The following GDPD1 variants were observed in gnomAD, a reference collection of about 807,000 sequenced individuals.
GDPD1 encodes lysophospholipase D GDPD1.
A neutral mutation model predicts 45.1 loss-of-function variants in GDPD1; 28 were observed. That is an observed-to-expected ratio of 0.62 (90% confidence interval 0.46 to 0.85). The LOEUF is 0.85. Ranked by LOEUF, GDPD1 falls within the 40% of genes least tolerant of loss-of-function variation. GDPD1 has a pLI of 0.00. For synonymous variants in GDPD1, 139 were observed against 131.4 expected (o/e 1.06, Z -0.40); for missense variants, 256 against 364.8 (o/e 0.70, Z 2.43).
At position 59,275,297 on chromosome 17, in the gene GDPD1, G is replaced by C; in HGVS notation, c.*1524G>C. ...GTTATACATAATCAGCAGCAGCCAG[G>C]CTCAAGAAAATAAAAGTTGATTAGT... On this transcript the variant is annotated 3_prime_UTR_variant, in exon 10 of 10. Coordinates refer to ENST00000284116, the MANE Select transcript of GDPD1 (RefSeq NM_182569.4). The C allele has an allele frequency of 5.3e-6, 5 of 941,432 alleles. No homozygotes were observed. The highest frequency in any genetic ancestry group is 8.0e-6 in the Non-Finnish European group (5 of 628,012). The allele number at this position is 941,432 out of a possible 1,614,324, so 58.3% of individuals were successfully genotyped here.
intron 1 of GDPD1, among the ~76,000 whole-genome samples, chr17:59,230,370 ATTTTTTTTT>A (rs942416287): frequency 1.2e-5 from 1 of 80,078 alleles, no homozygotes; most frequent in African/African-American, 6.7e-5. Context: ...CAGTTGTAGA[ATTTTTTTTT>A]TTTTTTTTTT....
intron 3 of GDPD1, among the ~76,000 whole-genome samples, chr17:59,246,130 GATT>G (rs1198831196): frequency 2.0e-5 from 3 of 151,046 alleles, no homozygotes; most frequent in Non-Finnish European, 4.4e-5. Flanking sequence ...AAAAAAAAAA[GATT>G]ATTATAACGT....
At chr17:59,234,602 G>A (rs1451821363) in intron 2 of GDPD1, 68 bp downstream of exon 2, 2 of 997,594 alleles carry the variant, frequency 2.0e-6, no homozygotes, top group East Asian at 4.8e-5. Flanking sequence ...TTAAAGTGAT[G>A]ATGATCCACA....
At chr17:59,256,184 T>G (rs1316870454) in intron 4 of GDPD1, among the ~76,000 whole-genome samples, 2 of 151,798 alleles carry the variant, frequency 1.3e-5, no homozygotes, top group Non-Finnish European at 2.9e-5. Context: ...CCGAGCGTGA[T>G]GGTGCTCCTG....
chr17:59,244,014 G>A (rs2047193460), intron 2 of GDPD1, among the ~76,000 whole-genome samples: 2 of 152,088 alleles, frequency 1.3e-5, no homozygotes, highest in African/African-American at 2.4e-5. Flanking sequence ...AAAATTGACC[G>A]AGGGCTTAAG....
At chr17:59,264,618 C>T (rs945368899) in intron 6 of GDPD1, among the ~76,000 whole-genome samples, 2 of 151,814 alleles carry the variant, frequency 1.3e-5, no homozygotes, top group Non-Finnish European at 2.9e-5. Context: ...AGCCCCTAAC[C>T]CTGTTTTCCC....
chr17:59,255,648 C>T (rs1294899337), intron 4 of GDPD1, among the ~76,000 whole-genome samples: 4 of 142,984 alleles, frequency 2.8e-5, no homozygotes, highest in African/African-American at 1.1e-4. Flanking sequence ...GAGGCTGAGG[C>T]AGGAGAATCA....
At chr17:59,252,401 G>T (rs2047261940) in intron 4 of GDPD1, among the ~76,000 whole-genome samples, 1 of 151,372 alleles carries the variant, frequency 6.6e-6, no homozygotes, top group Non-Finnish European at 1.5e-5. Context: ...ACCACTCCCA[G>T]CTAATTTTTG....
At chr17:59,220,863 G>A (rs991149516) in intron 1 of GDPD1, 112 bp downstream of exon 1, 82 of 1,249,250 alleles carry the variant, frequency 6.6e-5, no homozygotes, top group Non-Finnish European at 8.6e-5. Context: ...GAAGAATGGG[G>A]TTGTGTGAAT....
At position 59,220,555 on chromosome 17, in the gene GDPD1, C is replaced by A; in HGVS notation, c.-55C>A. Reference sequence around the variant, plus strand: ...GCCGCCGCCGCCGTCGTTGCTACTGCCGCAGCGGAGTTCAGAGGGCCCGGA... The same window carrying A: ...GCCGCCGCCGCCGTCGTTGCTACTGACGCAGCGGAGTTCAGAGGGCCCGGA... On this transcript the variant is annotated 5_prime_UTR_variant, in exon 1 of 10. Coordinates refer to ENST00000284116, the MANE Select transcript of GDPD1 (RefSeq NM_182569.4). 1 of 1,579,880 alleles carries A rather than the reference C, an allele frequency of 6.3e-7. No homozygotes were observed.
At position 59,269,308 on chromosome 17, in the gene GDPD1, G is replaced by GAAAT. The variant is rs200482991; in HGVS notation, c.711-1625_711-1624insTAAA. Among the ~76,000 whole-genome samples the GAAAT allele has an allele frequency of 6.7e-3, 1,022 of 151,742 alleles. 8 individuals are homozygous for GAAAT. The highest frequency in any genetic ancestry group is 0.023 in the African/African-American group (963 of 41,428). On this transcript the variant is annotated intron_variant, in intron 7 of 9. Transcript: ENST00000284116. ...CTCTGTCTCAAAAAAGAAAAGAAAA[G>GAAAT]AAAAACAATTTAGTCAGTACTCTTG...
intron 8 of GDPD1, among the ~76,000 whole-genome samples, 154 bp downstream of exon 8, chr17:59,271,149 T>C (rs1378165431): frequency 1.3e-5 from 2 of 152,190 alleles, no homozygotes; most frequent in Non-Finnish European, 2.9e-5. Flanking sequence ...CATTTAGAAA[T>C]ATCTTAATTA....
At position 59,273,746 on chromosome 17, in the gene GDPD1, G is replaced by A; in HGVS notation, c.918G>A (p.Arg306=). The A allele has an allele frequency of 6.3e-7, 1 of 1,576,288 alleles. No individual in the cohort carries two copies. The highest frequency in any genetic ancestry group is 8.6e-7 in the Non-Finnish European group (1 of 1,160,938). ...GVMTDYPTKL[R]DFLHNFSA is the part of the protein sequence containing the mutation. Reference sequence around the variant, plus strand: ...TGACAGACTATCCAACAAAGCTTAGGGATTTTTTACATAACTTTTCAGCAT... The same window carrying A: ...TGACAGACTATCCAACAAAGCTTAGAGATTTTTTACATAACTTTTCAGCAT... The change falls in exon 10 of 10, where the codon AGG becomes AGA. Residue 306 remains arginine (R), a synonymous_variant. Coordinates refer to ENST00000284116, the MANE Select transcript of GDPD1 (RefSeq NM_182569.4).
chr17:59,241,746 G>T (rs1184638156), intron 2 of GDPD1, among the ~76,000 whole-genome samples: 1 of 151,950 alleles, frequency 6.6e-6, no homozygotes, highest in Non-Finnish European at 1.5e-5. Flanking sequence ...CTGGCCACAT[G>T]GTGAAACCTC....
At chr17:59,227,574 G>A (rs1206448553) in intron 1 of GDPD1, among the ~76,000 whole-genome samples, 1 of 151,940 alleles carries the variant, frequency 6.6e-6, no homozygotes, top group African/African-American at 2.4e-5. Flanking sequence ...TATTATTGCA[G>A]TTAATGGACA....
At chr17:59,238,499 T>C (rs898762054) in intron 2 of GDPD1, among the ~76,000 whole-genome samples, 4 of 151,296 alleles carry the variant, frequency 2.6e-5, no homozygotes, top group Non-Finnish European at 5.9e-5. Flanking sequence ...CTGCAACCTC[T>C]GCCTCCCAGG....
intron 7 of GDPD1, among the ~76,000 whole-genome samples, chr17:59,268,537 C>T (rs1457899683): frequency 4.2e-5 from 6 of 141,580 alleles, no homozygotes; most frequent in African/African-American, 1.7e-4. Flanking sequence ...GGAGATTGCG[C>T]CACTGCACTC....
intron 7 of GDPD1, among the ~76,000 whole-genome samples, chr17:59,270,255 G>A (rs2147908272): frequency 6.6e-6 from 1 of 151,370 alleles, no homozygotes; most frequent in South Asian, 2.1e-4. Context: ...GTGCAGTGGC[G>A]CAGTCTTGGC....
chr17:59,259,439 C>T (rs1757438955), intron 6 of GDPD1, among the ~76,000 whole-genome samples: 1 of 151,392 alleles, frequency 6.6e-6, no homozygotes, highest in South Asian at 2.1e-4. Flanking sequence ...TAGTGGTGGG[C>T]GCCTGTAGTC....
Sources: allele counts gnomAD v4.1 joint callset (sites outside exome capture counted in the v4.1 genomes callset), GRCh38; gene constraint gnomAD v4.1.1; transcripts MANE v1.5; gene names NCBI Gene and HGNC (gene_info 2026-07-23, HGNC 2026-07-21).